Variants in ASPM observed in about 807,000 individuals in gnomAD.
ASPM encodes abnormal spindle-like microcephaly-associated protein.
In ASPM, 256 loss-of-function variants were observed where a neutral mutation model predicts 366.4. The observed-to-expected ratio is 0.70, with a 90% CI of 0.63 to 0.77. The LOEUF (loss-of-function observed/expected upper bound fraction) is 0.77. ASPM is among the 30% of genes least tolerant of loss of function. The pLI, the probability that ASPM is intolerant of heterozygous loss-of-function variation, is 0.00. For missense variants in ASPM, 4,146 were observed against 4,090.4 expected (o/e 1.01, Z -0.37); for synonymous variants, 1,414 against 1,342.9 (o/e 1.05, Z -1.16).
intron 20 of ASPM, among the ~76,000 whole-genome samples, chr1:197,093,524 T>G (rs138822250): frequency 6.6e-6 from 1 of 151,958 alleles, no homozygotes; most frequent in African/African-American, 2.4e-5. Flanking sequence ...TACTTTTCAT[T>G]GTGAGAGGGA....
intron 15 of ASPM, 41 bp from the exon 16 acceptor site, chr1:197,122,084 G>A (rs1325664244): frequency 5.6e-6 from 9 of 1,602,986 alleles, no homozygotes; most frequent in Non-Finnish European, 7.7e-6. Context: ...AATATCAACA[G>A]AGAATACAGT....
intron 16 of ASPM, among the ~76,000 whole-genome samples, chr1:197,121,608 G>C (rs1292665936): frequency 6.6e-6 from 1 of 152,096 alleles, no homozygotes; most frequent in Non-Finnish European, 1.5e-5. Flanking sequence ...CAGGAGGAAA[G>C]GAAGAGCTGA....
chr1:197,123,316 G>A (rs1310431911), intron 13 of ASPM, among the ~76,000 whole-genome samples: 1 of 152,070 alleles, frequency 6.6e-6, no homozygotes. Context: ...AACAAAAAGA[G>A]CACCACCTTG....
Position 197,146,205 on chromosome 1 carries a change from T to C in ASPM, c.233A>G (p.Lys78Arg). Residue 78 changes from lysine to arginine, a missense_variant, in exon 1 of 28, where the codon AAG becomes AGG. By Grantham distance (26) the Lys-to-Arg change is conservative. This residue lies in a region of ASPM where 512 missense variants were observed against 471.7 expected (regional missense o/e 1.09). Coordinates refer to ENST00000367409, the MANE Select transcript of ASPM (RefSeq NM_018136.5). The stretch of plus-strand genomic sequence containing the variant: ...GTCCGCGGCCGGGAAGTGGGAGATC[T>C]TCACTTCTGCCACCTCCTCGTTAGG... Reference protein sequence around the residue: ...DNPNEEVAEVKISHFPAADLG... With the variant: ...DNPNEEVAEVRISHFPAADLG... 2.5e-6 allele frequency: 4 copies of C among 1,614,082 alleles called. No individual in the cohort carries two copies. Among genetic ancestry groups the C allele is most frequent in the Non-Finnish European group, 3.4e-6 (4 of 1,179,994 alleles).
chr1:197,086,137 G>A (rs1656581324), intron 27 of ASPM, among the ~76,000 whole-genome samples: 1 of 151,776 alleles, frequency 6.6e-6, no homozygotes, highest in Non-Finnish European at 1.5e-5. Flanking sequence ...TAATTATAAA[G>A]CTAATGGCTG....
At chr1:197,094,008 TAA>T (rs1052780420) in intron 20 of ASPM, 74 bp downstream of exon 20, 39 of 1,038,828 alleles carry the variant, frequency 3.8e-5, no homozygotes, top group Non-Finnish European at 4.7e-5. Flanking sequence ...TTTTAAAAAT[TAA>T]AAAATACAAA....
Position 197,142,826 on chromosome 1 carries a change from G to C in ASPM, c.1426C>G (p.Gln476Glu). 6.2e-7 allele frequency: 1 copy of C among 1,613,344 alleles called. No individual in the cohort carries two copies. ...KQNNPKFSAV[Q>E]DISSHSHNKQ... ...TTGTGGCTATGACTAGAAATATCCT[G>C]AACTGCAGAAAATTTAGGATTATTT... Residue 476 changes from glutamine to glutamate, a missense_variant, in exon 3 of 28, where the codon CAG becomes GAG. Physicochemically the swap from Gln to Glu is conservative, Grantham distance 29. Transcript: ENST00000367409.
intron 16 of ASPM, among the ~76,000 whole-genome samples, chr1:197,118,551 C>T (rs1419722123): frequency 6.6e-6 from 1 of 152,048 alleles, no homozygotes; most frequent in Admixed American, 6.6e-5. Context: ...AAAGAGGACC[C>T]AGCTCCCTAG....
chr1:197,108,283 C>T (rs1324083508), intron 17 of ASPM, among the ~76,000 whole-genome samples: 1 of 151,640 alleles, frequency 6.6e-6, no homozygotes, highest in Non-Finnish European at 1.5e-5. Context: ...AAAATTTATA[C>T]CATTAATGTG....
chr1:197,101,791 A>AT lies in ASPM; in HGVS notation c.7459dup (p.Ile2487AsnfsTer32). 6.2e-7 allele frequency: 1 copy of AT among 1,612,820 alleles called. No homozygotes were observed. The highest frequency in any genetic ancestry group is 8.5e-7 in the Non-Finnish European group (1 of 1,179,336). On this transcript the variant is annotated frameshift_variant, in exon 18 of 28. Transcript: ENST00000367409. LOFTEE classifies it high-confidence loss of function. ...TCTGTACATCCTGAAAGTAGCCTGA[A>AT]TGAGAACTGCAGCCCTTTGCATTTC...
rs1332570749 is a variant in ASPM, at chr1:197,102,699, C to A, written c.6552G>T (p.Arg2184=). The change falls in exon 18 of 28, where the codon CGG becomes CGT. Residue 2184 remains arginine, a synonymous_variant. Transcript: ENST00000367409. ...QASFRGVRVR[R]TLRKMQTAAT... ...CTGCAGTCTGCATCTTTCTAAGAGT[C>A]CGTCTAACTCTTACTCCTCTAAAAC... 1 of 1,612,568 alleles carries A rather than the reference C, an allele frequency of 6.2e-7. No homozygotes were observed. Among genetic ancestry groups the A allele is most frequent in the South Asian group, 1.1e-5 (1 of 91,052 alleles).
chr1:197,096,218 T>G, intron 18 of ASPM, 54 bp from the exon 19 acceptor site: 1 of 1,417,066 alleles, frequency 7.1e-7, no homozygotes, highest in African/African-American at 1.4e-5. Flanking sequence ...TTTTTTTTTG[T>G]AAATAAGACA....
At chr1:197,114,752 A>T (rs1342311361) in intron 17 of ASPM, among the ~76,000 whole-genome samples, 1 of 150,984 alleles carries the variant, frequency 6.6e-6, no homozygotes, top group African/African-American at 2.4e-5. Context: ...TATTTTATTT[A>T]TTTTTTTTAT....
Position 197,143,305 on chromosome 1 carries a change from A to T in ASPM, c.947T>A (p.Leu316Gln). 6.2e-7 allele frequency: 1 copy of T among 1,613,908 alleles called. No individual in the cohort carries two copies. Among genetic ancestry groups the T allele is most frequent in the Non-Finnish European group, 8.5e-7 (1 of 1,179,792 alleles). ...ATTATTTACAAAAGAATCTGGACTT[A>T]GAAAATGTATTTGGCTTTGTGTAAT... ...LNITQSQIHFLSPDSFVNNSH... is the reference protein window; with the variant it reads ...LNITQSQIHFQSPDSFVNNSH... Residue 316 changes from leucine (L) to glutamine (Q), a missense_variant, in exon 3 of 28, where the codon CTA (leucine) becomes CAA (glutamine). Coordinates refer to ENST00000367409, the MANE Select transcript of ASPM (RefSeq NM_018136.5).
chr1:197,096,781 T>C (rs1029917649), intron 18 of ASPM, among the ~76,000 whole-genome samples: 1 of 151,748 alleles, frequency 6.6e-6, no homozygotes, highest in Admixed American at 6.6e-5. Context: ...GATGAGGAAA[T>C]CAAGGCCTAG....
chr1:197,089,390 T>C (rs1656700752), intron 25 of ASPM, among the ~76,000 whole-genome samples: 1 of 152,068 alleles, frequency 6.6e-6, no homozygotes. Context: ...AACTAAGTTA[T>C]AGCAATATTT....
intron 10 of ASPM, among the ~76,000 whole-genome samples, chr1:197,125,562 C>T (rs1311473420): frequency 6.6e-6 from 1 of 152,062 alleles, no homozygotes; most frequent in African/African-American, 2.4e-5. Flanking sequence ...ACACATCAAG[C>T]AAGTGCTTTA....
In ASPM at chr1:197,102,185, C is replaced by G; in HGVS notation, c.7066G>C (p.Ala2356Pro). Residue 2356 changes from alanine (A) to proline (P), a missense_variant, in exon 18 of 28, where the codon GCT becomes CCT. Around this residue, in one of 3 missense-constraint regions of ASPM, gnomAD observed 3,624 missense variants for 3,591.7 expected, o/e 1.01. Coordinates refer to ENST00000367409, the MANE Select transcript of ASPM (RefSeq NM_018136.5). ...ATCACAACGGAGGCCTGTTTCAAAG[C>G]CTGATATCTCATATGTAATCTGTGC... ...RMHRLHMRYQ[A>P]LKQASVVIQQ... 6.2e-7 allele frequency: 1 copy of G among 1,612,754 alleles called. No individual in the cohort carries two copies. Among genetic ancestry groups the G allele is most frequent in the Non-Finnish European group, 8.5e-7 (1 of 1,179,266 alleles).
rs749481303 is a variant in ASPM at position 197,093,208 on chromosome 1, C to A, written c.9138G>T (p.Arg3046Ser). The A allele has an allele frequency of 1.2e-6, 2 of 1,612,588 alleles. No individual in the cohort carries two copies. Among genetic ancestry groups the A allele is most frequent in the Non-Finnish European group, 8.5e-7 (1 of 1,179,000 alleles). Residue 3046 changes from arginine (R) to serine (S), a missense_variant, in exon 21 of 28, where the codon AGG becomes AGT. Transcript: ENST00000367409. ...IQAHYRGYKG[R>S]QVFLRQKSAA... ...CAGATTTCTGCCGAAGAAAGACCTG[C>A]CTTCCTTTATATCCTCTATAATGTG...
Sources: allele counts gnomAD v4.1 joint callset (sites outside exome capture counted in the v4.1 genomes callset), GRCh38; gene constraint gnomAD v4.1.1; regional missense constraint gnomAD v4.1.1; transcripts MANE v1.5; gene names NCBI Gene and HGNC (gene_info 2026-07-23, HGNC 2026-07-21).